Variants in ANAPC1 observed in about 807,000 individuals in gnomAD.
ANAPC1 encodes anaphase promoting complex subunit 1, also known as anaphase-promoting complex subunit 1.
Under a neutral mutation model 208.0 loss-of-function variants are expected in ANAPC1, and 36 were observed. That is an observed-to-expected ratio of 0.17 (90% CI 0.13 to 0.23). ANAPC1 has a LOEUF of 0.23. Among genes scored for constraint, ANAPC1 ranks in the 10% least tolerant of loss-of-function variants. The probability of loss-of-function intolerance (pLI) is 1.00; values close to 1 mark genes in which losing one functional copy is unlikely to be tolerated. For synonymous variants in ANAPC1, 378 were observed against 695.2 expected (o/e 0.54, Z 7.18); for missense variants, 942 against 2,011.6 (o/e 0.47, Z 10.17).
chr2:111,877,833 C>G (rs577308070), intron 3 of ANAPC1, among the ~76,000 whole-genome samples: 2 of 152,126 alleles, frequency 1.3e-5, no homozygotes, highest in African/African-American at 4.8e-5. Flanking sequence ...AAGCTTTAGC[C>G]ATTCCTAGCT....
In ANAPC1 at chr2:111,854,012, A is replaced by G. The variant is rs1471523952; in HGVS notation, c.1515+2602T>C. On this transcript the variant is annotated intron_variant, in intron 13 of 47. Transcript: ENST00000341068. Reference sequence around the variant, plus strand: ...ATTACAGGTGTGAGCTGCCACGCCCAGCCCAGAAGGTTTTCAGTGGACTTT... The same window carrying G: ...ATTACAGGTGTGAGCTGCCACGCCCGGCCCAGAAGGTTTTCAGTGGACTTT... Among the ~76,000 whole-genome samples, 10 of 152,156 alleles carry G rather than the reference A, an allele frequency of 6.6e-5. 1 individual carries two copies. The highest frequency in any genetic ancestry group is 1.0e-4 in the Non-Finnish European group (7 of 68,014).
At chr2:111,831,760 G>C (rs1680145918) in intron 20 of ANAPC1, among the ~76,000 whole-genome samples, 2 of 139,780 alleles carry the variant, frequency 1.4e-5, no homozygotes, top group African/African-American at 2.7e-5. Context: ...AGAATCACTT[G>C]AACCCAGGAG....
In ANAPC1 at chr2:111,869,160, G is replaced by A. The variant is rs560389231; in HGVS notation, c.612-1064C>T. The stretch of plus-strand genomic sequence containing the variant: ...AGGTAAATGATAACATTCCTGTAAC[G>A]CGTAAGGAAACTATAGCTAAGAAAG... On this transcript the variant is annotated intron_variant, in intron 6 of 47. Transcript: ENST00000341068. Among the ~76,000 whole-genome samples, 10 of 152,256 alleles carry A rather than the reference G, an allele frequency of 6.6e-5. 2 individuals carry two copies. The South Asian group carries it at 1.4e-3, about 22-fold the overall frequency.
rs187316409 is a variant in ANAPC1, at chr2:111,855,191, A to G, written c.1515+1423T>C. ...GGTCAAATGATCAGACAGACCACAC[A>G]AAACATTTATCAATTAAGTTCCTCA... On this transcript the variant is annotated intron_variant, in intron 13 of 47. Coordinates refer to ENST00000341068, the MANE Select transcript of ANAPC1 (RefSeq NM_022662.4). Among the ~76,000 whole-genome samples, 782 of 152,344 alleles carry G rather than the reference A, an allele frequency of 5.1e-3. 7 individuals carry two copies. The highest frequency in any genetic ancestry group is 0.018 in the African/African-American group (754 of 41,566).
rs1453867734 is a variant in ANAPC1, at chr2:111,805,446, T to A, written c.3924+356A>T. Among the ~76,000 whole-genome samples, 2 of 71,518 alleles carry A rather than the reference T, an allele frequency of 2.8e-5. 1 individual carries two copies. Among genetic ancestry groups the A allele is most frequent in the East Asian group, 8.1e-4 (2 of 2,472 alleles). 46.9% of individuals were successfully genotyped at this position (71,518 alleles called of 152,430 possible). Reference sequence around the variant, plus strand: ...TAGGGTTTGTTTCAAGCAGCTACTATAGACTCTTAAGGCTCCCGATCATAT... The same window carrying A: ...TAGGGTTTGTTTCAAGCAGCTACTAAAGACTCTTAAGGCTCCCGATCATAT... On this transcript the variant is annotated intron_variant, in intron 30 of 47. Transcript: ENST00000341068.
intron 13 of ANAPC1, among the ~76,000 whole-genome samples, chr2:111,852,669 G>C (rs1374030012): frequency 6.6e-6 from 1 of 151,966 alleles, no homozygotes; most frequent in African/African-American, 2.4e-5. Flanking sequence ...CATGTTCCAT[G>C]ACCAAATCTG....
At position 111,845,778 on chromosome 2, in the gene ANAPC1, T is replaced by C. The variant is rs537231174; in HGVS notation, c.1852+1360A>G. Among the ~76,000 whole-genome samples the C allele has an allele frequency of 2.6e-5, 4 of 152,036 alleles. No homozygotes were observed. In the South Asian group the frequency reaches 6.2e-4, roughly 24 times the overall value. On this transcript the variant is annotated intron_variant, in intron 16 of 47. Transcript: ENST00000341068. ...TCACGAGGTCAGGAGATCGAGACTA[T>C]CCTGGCTAACACAGTGAAACCCCGT...
chr2:111,843,682 CTA>C, intron 16 of ANAPC1, 83 bp from the exon 17 acceptor site: 2 of 1,249,818 alleles, frequency 1.6e-6, no homozygotes, highest in South Asian at 3.1e-5. Flanking sequence ...TTTTTAACTT[CTA>C]CTATGTAAAG....
At chr2:111,821,559 G>A in intron 25 of ANAPC1, 106 bp from the exon 26 acceptor site, 2 of 1,283,436 alleles carry the variant, frequency 1.6e-6, no homozygotes, top group South Asian at 1.2e-5. Flanking sequence ...CTAGCACAGA[G>A]AAAATATGTT....
intron 21 of ANAPC1, among the ~76,000 whole-genome samples, chr2:111,826,386 A>G (rs1679832731): frequency 6.6e-6 from 1 of 152,190 alleles, no homozygotes; most frequent in Admixed American, 6.5e-5. Context: ...AGCACTGGAA[A>G]CAATTCATCT....
At chr2:111,863,633 A>G (rs781402253) in intron 9 of ANAPC1, 42 bp downstream of exon 9, 9 of 1,574,892 alleles carry the variant, frequency 5.7e-6, no homozygotes, top group Non-Finnish European at 7.8e-6. Flanking sequence ...CCTTCAAAAC[A>G]AAACAGAAAG....
At chr2:111,883,400 T>G (rs1573536399) in intron 1 of ANAPC1, among the ~76,000 whole-genome samples, 2 of 152,154 alleles carry the variant, frequency 1.3e-5, no homozygotes, top group Admixed American at 1.3e-4. Context: ...ATTTAATACT[T>G]TTTCAGTACC....
At chr2:111,791,226 G>A (rs1677857825) in intron 38 of ANAPC1, among the ~76,000 whole-genome samples, 2 of 149,772 alleles carry the variant, frequency 1.3e-5, no homozygotes, top group Non-Finnish European at 3.0e-5. Context: ...ATGAGATCCT[G>A]TTATATACCT....
At chr2:111,773,160 T>C (rs1346457403) in intron 46 of ANAPC1, among the ~76,000 whole-genome samples, 2 of 152,224 alleles carry the variant, frequency 1.3e-5, no homozygotes, top group Admixed American at 1.3e-4. Flanking sequence ...CAGGGATAGA[T>C]TGAGAGGTGT....
In ANAPC1 at chr2:111,838,678, G is replaced by A. The variant is rs186080128; in HGVS notation, c.2041-166C>T. 5.7e-3 allele frequency among the ~76,000 whole-genome samples: 873 copies of A among 152,238 alleles called. 12 individuals carry two copies. The highest frequency in any genetic ancestry group is 0.02 in the African/African-American group (841 of 41,526). ...GCATTATTTAAATATCTTTCTTCCA[G>A]GTTACTGTAAAGATGAAATGAAATC... On this transcript the variant is annotated intron_variant, in intron 17 of 47. Transcript: ENST00000341068.
chr2:111,789,672 T>C (rs1485617905), intron 38 of ANAPC1, among the ~76,000 whole-genome samples: 1 of 151,218 alleles, frequency 6.6e-6, no homozygotes, highest in Middle Eastern at 3.4e-3. Flanking sequence ...ATTAAGATAC[T>C]AATGTTAGAA....
intron 13 of ANAPC1, among the ~76,000 whole-genome samples, chr2:111,855,766 C>A (rs565009933): frequency 6.6e-6 from 1 of 151,918 alleles, no homozygotes; most frequent in South Asian, 2.1e-4. Flanking sequence ...AGATAGGATG[C>A]AATCACAAAA....
At chr2:111,844,684 G>A (rs911715835) in intron 16 of ANAPC1, among the ~76,000 whole-genome samples, 3 of 151,314 alleles carry the variant, frequency 2.0e-5, no homozygotes, top group African/African-American at 7.3e-5. Context: ...ATGCATCCAC[G>A]AATAGCAATG....
At chr2:111,868,166 T>G (rs1011117483) in intron 6 of ANAPC1, 70 bp from the exon 7 acceptor site, 77 of 1,023,106 alleles carry the variant, frequency 7.5e-5, no homozygotes, top group Non-Finnish European at 1.0e-4. Context: ...GCACTTCTAT[T>G]GAAAAGAAAT....
Sources: allele counts gnomAD v4.1 joint callset (sites outside exome capture counted in the v4.1 genomes callset), GRCh38; gene constraint gnomAD v4.1.1; transcripts MANE v1.5; gene names NCBI Gene and HGNC (gene_info 2026-07-23, HGNC 2026-07-21).